The following AGRN variants were observed in gnomAD, a reference collection of about 807,000 sequenced individuals.
AGRN encodes the protein agrin proteoglycan.
AGRN carries 106 observed loss-of-function variants against 211.0 expected under a neutral mutation model. The ratio of observed to expected loss-of-function variants is 0.50; its 90% CI spans 0.43 to 0.59. AGRN has a LOEUF of 0.59. Among genes scored for constraint, AGRN ranks in the 20% least tolerant of loss-of-function variants. The pLI is 0.00. For synonymous variants in AGRN, 1,525 were observed against 1,332.5 expected (o/e 1.14, Z -3.15); for missense variants, 3,040 against 2,982.6 (o/e 1.02, Z -0.45).
chr1:1,047,166 A>G, intron 19 of AGRN, 161 bp from the exon 20 acceptor site: 3 of 1,363,054 alleles, frequency 2.2e-6, no homozygotes, highest in Non-Finnish European at 2.9e-6. Context: ...CCTCCTGGTA[A>G]CCGACACCAG....
rs1438592464 is a variant in AGRN, at chr1:1,041,541, G to A, written c.1016G>A (p.Arg339His). The change falls in exon 6 of 36, where the codon CGC becomes CAC. Residue 339 changes from arginine to histidine, a missense_variant. Arg to His is a conservative substitution (Grantham distance 29). Transcript: ENST00000379370. ...TGCCGTGTGAACCCGCGCACGCGGC[G>A]CCCTGAGATGCTCCTACGGCCCGAG... The part of the protein sequence containing the change: ...RSCRVNPRTR[R>H]PEMLLRPESC... The A allele has an allele frequency of 1.9e-6, 3 of 1,606,424 alleles. No individual in the cohort carries two copies. The highest frequency in any genetic ancestry group is 2.5e-6 in the Non-Finnish European group (3 of 1,179,172).
At chr1:1,052,271 T>G (rs1645317632) in intron 33 of AGRN, 4 of 358,370 alleles carry the variant, frequency 1.1e-5, no homozygotes, top group South Asian at 8.3e-5. Flanking sequence ...TATGCATGCA[T>G]GTCTGTGTCC....
rs1167902246 is a variant in AGRN, at chr1:1,041,554, C to T, written c.1029C>T (p.Leu343=). Residue 343 remains leucine (L), a synonymous_variant, in exon 6 of 36, where the codon CTC becomes CTT. Coordinates refer to ENST00000379370, the MANE Select transcript of AGRN (RefSeq NM_198576.4). ...VNPRTRRPEM[L]LRPESCPARQ... ...CGCGCACGCGGCGCCCTGAGATGCT[C>T]CTACGGCCCGAGAGCTGCCCTGCCC... is the stretch of plus-strand genomic sequence containing the variant. The T allele has an allele frequency of 1.2e-6, 2 of 1,608,506 alleles. No individual in the cohort carries two copies. Among genetic ancestry groups the T allele is most frequent in the Middle Eastern group, 1.7e-4 (1 of 6,060 alleles).
chr1:1,051,288 C>G lies in AGRN; in HGVS notation c.5289C>G (p.Leu1763=), dbSNP rs1164136858. 1.3e-6 allele frequency: 2 copies of G among 1,577,238 alleles called. No individual in the cohort carries two copies. The highest frequency in any genetic ancestry group is 1.7e-6 in the Non-Finnish European group (2 of 1,162,414). Reference sequence around the variant, plus strand: ...CCGTCCTCAACCTGAAGGAGCCGCTCTACGTAGGGGGCGCTCCCGACTTCA... The same window carrying G: ...CCGTCCTCAACCTGAAGGAGCCGCTGTACGTAGGGGGCGCTCCCGACTTCA... ...PHTVLNLKEP[L]YVGGAPDFSK... is the part of the protein sequence containing the mutation. Residue 1763 remains leucine (L), a synonymous_variant, in exon 31 of 36, where the codon CTC becomes CTG. Coordinates refer to ENST00000379370, the MANE Select transcript of AGRN (RefSeq NM_198576.4).
In AGRN at chr1:1,055,038, G is replaced by A. The variant is rs1645417576; in HGVS notation, c.*57G>A. Reference sequence around the variant, plus strand: ...TATTTTCTATTTTTGTAAACTTGTTGCTTTTTGATATGATTTTCTTGCCTG... The same window carrying A: ...TATTTTCTATTTTTGTAAACTTGTTACTTTTTGATATGATTTTCTTGCCTG... On this transcript the variant is annotated 3_prime_UTR_variant, in exon 36 of 36. Coordinates refer to ENST00000379370, the MANE Select transcript of AGRN (RefSeq NM_198576.4). The A allele has an allele frequency of 1.9e-6, 3 of 1,538,764 alleles. No homozygotes were observed. The highest frequency in any genetic ancestry group is 8.7e-7 in the Non-Finnish European group (1 of 1,145,776).
intron 33 of AGRN, chr1:1,053,179 CTGTCTGCACGTGGG>C (rs1049286917): frequency 2.0e-4 from 61 of 308,904 alleles, no homozygotes; most frequent in Admixed American, 6.4e-4. Context: ...TGCTCCCCTG[CTGTCTGCACGTGGG>C]TGTCTGCACG....
Position 1,055,358 on chromosome 1 carries a change from C to T in AGRN, c.*377C>T. 2.8e-6 allele frequency: 1 copy of T among 363,408 alleles called. No homozygotes were observed. The highest frequency in any genetic ancestry group is 5.4e-6 in the Non-Finnish European group (1 of 186,374). 22.5% of individuals were successfully genotyped at this position (363,408 alleles called of 1,614,324 possible). A position where few individuals can be genotyped will look rare whatever the true frequency, so the allele number is the denominator to read the frequency against. On this transcript the variant is annotated 3_prime_UTR_variant, in exon 36 of 36. Transcript: ENST00000379370. ...GCTGCTGAGGTCTGATGGGGCCCTT[C>T]CTCCGGGTGACCCCACAGGGCCTTT...
intron 1 of AGRN, 38 bp from the exon 2 acceptor site, chr1:1,022,163 G>A: frequency 6.2e-7 from 1 of 1,612,630 alleles, no homozygotes; most frequent in Non-Finnish European, 8.5e-7. Flanking sequence ...CCTTCCCCAG[G>A]AGAGGACTAA....
rs1483381780 is a variant in AGRN, at chr1:1,050,468, C to T, written c.5018C>T (p.Pro1673Leu). ...GAGGTCGTGTTCCTGGCACGAGGCC[C>T]CAGCGGCCTCCTGCTCTACAACGGG... is the stretch of plus-strand genomic sequence containing the variant. Reference protein sequence around the residue: ...ALEVVFLARGPSGLLLYNGQK... With the variant: ...ALEVVFLARGLSGLLLYNGQK... The change falls in exon 29 of 36, where the codon CCC becomes CTC. Residue 1673 changes from proline (P) to leucine (L), a missense_variant. Transcript: ENST00000379370. The T allele has an allele frequency of 1.2e-6, 2 of 1,612,782 alleles. No homozygotes were observed. The highest frequency in any genetic ancestry group is 1.7e-6 in the Non-Finnish European group (2 of 1,179,898).
intron 19 of AGRN, 175 bp from the exon 20 acceptor site, chr1:1,047,152 G>A: frequency 7.4e-7 from 1 of 1,346,538 alleles, no homozygotes; most frequent in African/African-American, 1.5e-5. Context: ...CTGCTCTGAG[G>A]AGTCCTCCTG....
intron 30 of AGRN, 24 bp from the exon 31 acceptor site, chr1:1,051,229 G>A (rs1283665704): frequency 1.3e-6 from 2 of 1,575,294 alleles, no homozygotes; most frequent in Non-Finnish European, 1.7e-6. Flanking sequence ...GCTCTGCACA[G>A]CCACTTACCT....
chr1:1,046,348 C>T, intron 17 of AGRN, 49 bp from the exon 18 acceptor site: 1 of 1,605,158 alleles, frequency 6.2e-7, no homozygotes. Context: ...CCCTGAGCCA[C>T]CTGACCCTGT....
Position 1,045,380 on chromosome 1 carries a change from A to G in AGRN, c.2393A>G (p.His798Arg). Reference protein sequence around the residue: ...GCPSACQCNPHGSYGGTCDPA... With the variant: ...GCPSACQCNPRGSYGGTCDPA... ...TCAGGTGCCTGCCAGTGCAACCCCC[A>G]TGGCTCTTACGGCGGCACCTGTGAC... is the stretch of plus-strand genomic sequence containing the variant. The change falls in exon 14 of 36, where the codon CAT becomes CGT. Residue 798 changes from histidine to arginine, a missense_variant. Around this residue, in one of 3 missense-constraint regions of AGRN, gnomAD observed 1,498 missense variants for 1,457.8 expected, o/e 1.03. Coordinates refer to ENST00000379370, the MANE Select transcript of AGRN (RefSeq NM_198576.4). 2 of 1,611,858 alleles carry G rather than the reference A, an allele frequency of 1.2e-6. No homozygotes were observed. Among genetic ancestry groups the G allele is most frequent in the Non-Finnish European group, 1.7e-6 (2 of 1,179,904 alleles).
chr1:1,051,387 G>T lies in AGRN; in HGVS notation c.5370+18G>T. The T allele has an allele frequency of 6.4e-7, 1 of 1,553,842 alleles. No homozygotes were observed. The highest frequency in any genetic ancestry group is 1.4e-5 in the African/African-American group (1 of 74,012). On this transcript the variant is annotated intron_variant, in intron 31 of 35. Transcript: ENST00000379370. ...TCCAGCTGGTATGTGGGGGCGGGGCGTCCCAGCAGGGCCTCCGGGGCGGGC... is the reference window on the plus strand; with the variant it reads ...TCCAGCTGGTATGTGGGGGCGGGGCTTCCCAGCAGGGCCTCCGGGGCGGGC...
At position 1,041,564 on chromosome 1, in the gene AGRN, G is replaced by A. The variant is rs761304801; in HGVS notation, c.1039G>A (p.Glu347Lys). Reference protein sequence around the residue: ...TRRPEMLLRPESCPARQAPVC... With the variant: ...TRRPEMLLRPKSCPARQAPVC... ...GCGCCCTGAGATGCTCCTACGGCCC[G>A]AGAGCTGCCCTGCCCGGCAGGCGCC... The change falls in exon 6 of 36, where the codon GAG (glutamate) becomes AAG (lysine). Residue 347 changes from glutamate to lysine, a missense_variant. Glu to Lys is a moderately conservative substitution (Grantham distance 56, BLOSUM62 1). Coordinates refer to ENST00000379370, the MANE Select transcript of AGRN (RefSeq NM_198576.4). 3 of 1,609,504 alleles carry A rather than the reference G, an allele frequency of 1.9e-6. No individual in the cohort carries two copies. The highest frequency in any genetic ancestry group is 1.7e-6 in the Non-Finnish European group (2 of 1,179,354).
intron 3 of AGRN, 91 bp from the exon 4 acceptor site, chr1:1,040,574 C>G: frequency 6.9e-7 from 1 of 1,452,428 alleles, no homozygotes; most frequent in Non-Finnish European, 9.3e-7. Context: ...CGGGTGAATG[C>G]GCGGGCTGCG....
intron 3 of AGRN, among the ~76,000 whole-genome samples, chr1:1,036,428 A>G (rs1419283487): frequency 6.6e-6 from 1 of 152,012 alleles, no homozygotes; most frequent in Non-Finnish European, 1.5e-5. Flanking sequence ...GGGGTGTGAG[A>G]TGGAGGCCCT....
In AGRN at chr1:1,031,275, A is replaced by G. The variant is rs1644671342; in HGVS notation, c.464-4002A>G. Reference sequence around the variant, plus strand: ...TGTGCAGTGCATGGTGCTGAGTGTGAGATCAGCATGTGTGTGTATGTGTGT... The same window carrying G: ...TGTGCAGTGCATGGTGCTGAGTGTGGGATCAGCATGTGTGTGTATGTGTGT... On this transcript the variant is annotated intron_variant, in intron 2 of 35. Transcript: ENST00000379370. This position sits in a 1 kb window ranked among gnomAD's most constrained non-coding sequence, Gnocchi z 4.8. Among the ~76,000 whole-genome samples, 1 of 144,550 alleles carries G rather than the reference A, an allele frequency of 6.9e-6. No homozygotes were observed. Among genetic ancestry groups the G allele is most frequent in the Admixed American group, 6.8e-5 (1 of 14,654 alleles). 94.8% of individuals were successfully genotyped at this position (144,550 alleles called of 152,430 possible).
At chr1:1,034,700 A>C in intron 2 of AGRN, 1 of 994,410 alleles carries the variant, frequency 1.0e-6, no homozygotes. Flanking sequence ...GTTCCTCAAC[A>C]ACTGTAGGTG....
Sources: allele counts gnomAD v4.1 joint callset (sites outside exome capture counted in the v4.1 genomes callset), GRCh38; gene constraint gnomAD v4.1.1; regional missense constraint gnomAD v4.1.1; non-coding constraint Gnocchi (gnomAD v3.1); transcripts MANE v1.5; gene names NCBI Gene and HGNC (gene_info 2026-07-23, HGNC 2026-07-21).